LHFPL3: variants seen among roughly 807,000 people sequenced by gnomAD.
LHFPL3 encodes LHFPL tetraspan subfamily member 3.
A neutral mutation model predicts 19.3 loss-of-function variants in LHFPL3; 5 were observed. The ratio of observed to expected loss-of-function variants is 0.26; its 90% CI spans 0.14 to 0.54. LHFPL3 has a LOEUF of 0.54. Ranked by LOEUF, LHFPL3 falls within the 20% of genes least tolerant of loss-of-function variation. The probability of loss-of-function intolerance (pLI) is 0.94; values close to 1 mark genes in which losing one functional copy is unlikely to be tolerated. For missense variants in LHFPL3, 249 were observed against 307.4 expected, an observed-to-expected ratio of 0.81 and a Z score of 1.42; for synonymous variants, 133 against 126.2, an observed-to-expected ratio of 1.05 and a Z score of -0.36.
At chr7:104,389,345 A>G (rs901828747) in intron 1 of LHFPL3, among the ~76,000 whole-genome samples, 8 of 152,172 alleles carry the variant, frequency 5.3e-5, no homozygotes, top group African/African-American at 1.7e-4. Flanking sequence ...ACCGAAAACT[A>G]CAAGACATTG....
chr7:104,441,024 G>C (rs1792215291), intron 1 of LHFPL3, among the ~76,000 whole-genome samples: 1 of 151,970 alleles, frequency 6.6e-6, no homozygotes, highest in African/African-American at 2.4e-5. Context: ...TTCTTTCTGT[G>C]TGTGTGAGTG....
chr7:104,690,801 A>T (rs762219663), intron 1 of LHFPL3, among the ~76,000 whole-genome samples: 2 of 152,208 alleles, frequency 1.3e-5, no homozygotes, highest in Non-Finnish European at 2.9e-5. Context: ...TTATTGAGTG[A>T]CCCAAAAGGC....
chr7:104,344,356 A>G (rs1278119975), intron 1 of LHFPL3, among the ~76,000 whole-genome samples: 5 of 152,140 alleles, frequency 3.3e-5, no homozygotes, highest in East Asian at 3.9e-4. Flanking sequence ...TAGTGCACCT[A>G]TAGCCCGAGT....
intron 2 of LHFPL3, among the ~76,000 whole-genome samples, chr7:104,804,747 C>T (rs1388834073): frequency 2.6e-5 from 4 of 152,166 alleles, no homozygotes. Flanking sequence ...ATTTAGCTAA[C>T]TACTACATGA....
At chr7:104,653,915 G>T (rs1188346139) in intron 1 of LHFPL3, among the ~76,000 whole-genome samples, 1 of 152,156 alleles carries the variant, frequency 6.6e-6, no homozygotes, top group Non-Finnish European at 1.5e-5. Context: ...CCTCCACGCA[G>T]AACCAGGTGA....
At chr7:104,440,040 G>GGGGA (rs1792189631) in intron 1 of LHFPL3, among the ~76,000 whole-genome samples, 2 of 143,634 alleles carry the variant, frequency 1.4e-5, no homozygotes, top group South Asian at 2.3e-4. Context: ...AAGCCTGGGG[G>GGGGA]GGGGGAGGGA....
intron 1 of LHFPL3, among the ~76,000 whole-genome samples, chr7:104,629,401 A>G (rs1205357419): frequency 6.6e-6 from 1 of 152,068 alleles, no homozygotes; most frequent in Non-Finnish European, 1.5e-5. Flanking sequence ...GTGGTCCCAC[A>G]GTTCAAAATT....
At chr7:104,550,299 GC>G (rs1242005152) in intron 1 of LHFPL3, among the ~76,000 whole-genome samples, 1 of 151,930 alleles carries the variant, frequency 6.6e-6, no homozygotes, top group Non-Finnish European at 1.5e-5. Context: ...GGGCACCATG[GC>G]CCAACTAGGT....
chr7:104,740,535 T>G (rs529243375), intron 2 of LHFPL3, among the ~76,000 whole-genome samples: 7 of 152,310 alleles, frequency 4.6e-5, no homozygotes, highest in Admixed American at 1.3e-4. Context: ...CTGGGTAATT[T>G]ATAAAGGAAA....
At chr7:104,605,400 A>G (rs1791075023) in intron 1 of LHFPL3, among the ~76,000 whole-genome samples, 1 of 152,242 alleles carries the variant, frequency 6.6e-6, no homozygotes, top group African/African-American at 2.4e-5. Context: ...ATAGACAGGT[A>G]TACTAATTTT....
At chr7:104,756,867 A>T (rs1794294533) in intron 2 of LHFPL3, among the ~76,000 whole-genome samples, 1 of 152,220 alleles carries the variant, frequency 6.6e-6, no homozygotes, top group African/African-American at 2.4e-5. Flanking sequence ...AATATTAAGC[A>T]GAGATTCTGA....
chr7:104,669,933 G>A (rs1224565058), intron 1 of LHFPL3, among the ~76,000 whole-genome samples: 2 of 152,250 alleles, frequency 1.3e-5, no homozygotes, highest in East Asian at 3.9e-4. Context: ...GGGCAGTAGG[G>A]GAGGGAGGTA....
At chr7:104,559,044 T>A (rs1441073187) in intron 1 of LHFPL3, among the ~76,000 whole-genome samples, 3 of 148,332 alleles carry the variant, frequency 2.0e-5, no homozygotes, top group East Asian at 2.0e-4. Context: ...TCTATATCTC[T>A]GTTTTGGTAC....
intron 1 of LHFPL3, among the ~76,000 whole-genome samples, chr7:104,492,347 A>C (rs916427478): frequency 6.6e-6 from 1 of 152,224 alleles, no homozygotes; most frequent in African/African-American, 2.4e-5. Context: ...CAAAGAGGAG[A>C]CCAACTTGCC....
intron 1 of LHFPL3, among the ~76,000 whole-genome samples, chr7:104,471,056 A>G (rs1792898119): frequency 6.6e-6 from 1 of 152,158 alleles, no homozygotes; most frequent in Non-Finnish European, 1.5e-5. Flanking sequence ...CTTGGCCTAT[A>G]AGAAGGGAAT....
At chr7:104,362,967 C>T (rs972288168) in intron 1 of LHFPL3, among the ~76,000 whole-genome samples, 5 of 152,200 alleles carry the variant, frequency 3.3e-5, no homozygotes, top group African/African-American at 1.2e-4. Context: ...CCTCAAACAC[C>T]AATCTTAGGT....
chr7:104,526,409 A>T (rs777557091), intron 1 of LHFPL3, among the ~76,000 whole-genome samples: 6 of 152,240 alleles, frequency 3.9e-5, no homozygotes, highest in Admixed American at 1.3e-4. Flanking sequence ...GGCAGAAAAG[A>T]TGGAGCATTT....
At chr7:104,563,364 G>T (rs1301722447) in intron 1 of LHFPL3, among the ~76,000 whole-genome samples, 11 of 151,614 alleles carry the variant, frequency 7.3e-5, no homozygotes, top group Admixed American at 1.3e-4. Context: ...TCCGAGCCAG[G>T]TGCGGGATAT....
intron 1 of LHFPL3, among the ~76,000 whole-genome samples, chr7:104,490,382 G>A (rs79020735): frequency 0.053 from 8,106 of 152,186 alleles, 296 homozygotes; most frequent in Non-Finnish European, 0.074. Context: ...TCCTAATGCA[G>A]CTAATCATAA....
Sources: allele counts gnomAD v4.1 joint callset (sites outside exome capture counted in the v4.1 genomes callset), GRCh38; gene constraint gnomAD v4.1.1; transcripts MANE v1.5; gene names NCBI Gene and HGNC (gene_info 2026-07-23, HGNC 2026-07-21).